Variants in OSBP2 observed in about 807,000 individuals in gnomAD.
OSBP2 encodes the protein oxysterol-binding protein 2.
Under a neutral mutation model 96.0 loss-of-function variants are expected in OSBP2, and 66 were observed. That is an observed-to-expected ratio of 0.69 (90% CI 0.56 to 0.84). OSBP2 has a LOEUF of 0.84. Ranked by LOEUF, OSBP2 falls within the 40% of genes least tolerant of loss-of-function variation. OSBP2 has a pLI of 0.00. For synonymous variants in OSBP2, 525 were observed against 520.9 expected, an observed-to-expected ratio of 1.01 and a Z score of -0.11; for missense variants, 1,038 against 1,222.7, an observed-to-expected ratio of 0.85 and a Z score of 2.25.
intron 2 of OSBP2, chr22:30,770,577 A>G (rs1356107895): frequency 1.3e-5 from 2 of 152,228 alleles, no homozygotes; most frequent in African/African-American, 2.4e-5. Flanking sequence ...ATGGTTTTCT[A>G]TCCAGGGTCA....
intron 1 of OSBP2, among the ~76,000 whole-genome samples, chr22:30,709,419 T>C (rs1180822448): frequency 6.6e-6 from 1 of 152,184 alleles, no homozygotes; most frequent in East Asian, 1.9e-4. Context: ...TAGGTGGTGG[T>C]GTGTTCTTCC....
At chr22:30,829,942 G>A (rs890886808) in intron 2 of OSBP2, among the ~76,000 whole-genome samples, 1 of 152,228 alleles carries the variant, frequency 6.6e-6, no homozygotes, top group East Asian at 1.9e-4. Context: ...TGGGAGCAGG[G>A]CTTGGGAGAC....
intron 1 of OSBP2, among the ~76,000 whole-genome samples, chr22:30,734,398 C>T (rs1308403188): frequency 6.6e-6 from 1 of 152,028 alleles, no homozygotes. Context: ...ACCTCCATAG[C>T]CTCTTGCGGG....
chr22:30,822,531 C>CGACCCACGAGTGT, intron 2 of OSBP2: 2 of 1,378,838 alleles, frequency 1.5e-6, no homozygotes, highest in Non-Finnish European at 1.9e-6. Context: ...TCCGCCGCCT[C>CGACCCACGAGTGT]CGCCGGGCGG....
At chr22:30,860,166 A>T (rs553830873) in intron 2 of OSBP2, among the ~76,000 whole-genome samples, 3 of 152,278 alleles carry the variant, frequency 2.0e-5, no homozygotes, top group South Asian at 4.1e-4. Context: ...AAAAATAAAA[A>T]AAAATACCAA....
intron 2 of OSBP2, among the ~76,000 whole-genome samples, chr22:30,787,330 A>G (rs1388111336): frequency 6.6e-6 from 1 of 152,098 alleles, no homozygotes; most frequent in Non-Finnish European, 1.5e-5. Flanking sequence ...AGGAGGGGGA[A>G]GCCCCTTATA....
chr22:30,703,983 C>A (rs529587269), intron 1 of OSBP2, among the ~76,000 whole-genome samples: 136 of 152,256 alleles, frequency 8.9e-4, no homozygotes, highest in Middle Eastern at 6.8e-3. Flanking sequence ...ATCTTGCCAT[C>A]CTGTTACATG....
At chr22:30,765,862 T>C (rs2090263520) in intron 2 of OSBP2, among the ~76,000 whole-genome samples, 1 of 152,200 alleles carries the variant, frequency 6.6e-6, no homozygotes, top group South Asian at 2.1e-4. Flanking sequence ...CTATACCCTT[T>C]CTTCATCAGA....
chr22:30,740,166 G>A (rs2089919042), intron 1 of OSBP2, among the ~76,000 whole-genome samples: 1 of 151,904 alleles, frequency 6.6e-6, no homozygotes, highest in African/African-American at 2.4e-5. Context: ...AGTTTTTAAG[G>A]ATAACTTGGA....
chr22:30,705,290 GT>G (rs1272241169), intron 1 of OSBP2, among the ~76,000 whole-genome samples: 87 of 151,766 alleles, frequency 5.7e-4, no homozygotes, highest in African/African-American at 2.0e-3. Context: ...TTTTGTTGTT[GT>G]TGTTGTTGTT....
intron 2 of OSBP2, among the ~76,000 whole-genome samples, chr22:30,744,874 C>A (rs941754534): frequency 6.6e-6 from 1 of 152,192 alleles, no homozygotes; most frequent in East Asian, 1.9e-4. Flanking sequence ...ATTATAATTT[C>A]TTTTCAAGTA....
intron 1 of OSBP2, among the ~76,000 whole-genome samples, chr22:30,737,254 G>A (rs969682953): frequency 5.3e-5 from 8 of 150,982 alleles, no homozygotes; most frequent in African/African-American, 1.9e-4. Flanking sequence ...GACTTCAGGT[G>A]ATCCTGCAGC....
chr22:30,715,028 A>G (rs2089424367), intron 1 of OSBP2, among the ~76,000 whole-genome samples: 1 of 150,608 alleles, frequency 6.6e-6, no homozygotes, highest in African/African-American at 2.4e-5. Flanking sequence ...TGATTATACC[A>G]TTTTACATTC....
upstream of OSBP2, chr22:30,694,289 G>T (rs1460709731): frequency 3.2e-6 from 5 of 1,549,648 alleles, no homozygotes; most frequent in African/African-American, 2.7e-5. Flanking sequence ...TGGAGGCGGT[G>T]AGGCGGCCAC....
intron 2 of OSBP2, among the ~76,000 whole-genome samples, chr22:30,746,511 T>C (rs1254342079): frequency 2.6e-5 from 3 of 113,258 alleles, no homozygotes; most frequent in African/African-American, 7.4e-5. Flanking sequence ...TTTTTTGAGA[T>C]GGAGTTTCGC....
intron 2 of OSBP2, among the ~76,000 whole-genome samples, chr22:30,797,337 C>T (rs1204527373): frequency 6.6e-6 from 1 of 152,190 alleles, no homozygotes; most frequent in Non-Finnish European, 1.5e-5. Flanking sequence ...GGCTGGAGTG[C>T]AGTGGCACAA....
intron 2 of OSBP2, among the ~76,000 whole-genome samples, chr22:30,750,335 G>T (rs1315090465): frequency 6.6e-6 from 1 of 152,200 alleles, no homozygotes; most frequent in African/African-American, 2.4e-5. Context: ...TTCCTGCTTA[G>T]TTGCTGGGAG....
intron 2 of OSBP2, among the ~76,000 whole-genome samples, chr22:30,777,467 T>C (rs1018881395): frequency 2.6e-5 from 4 of 152,182 alleles, no homozygotes; most frequent in East Asian, 1.9e-4. Context: ...TCCACCATGA[T>C]TGTGAGATCT....
chr22:30,869,118 C>T (rs1247809644), intron 2 of OSBP2, among the ~76,000 whole-genome samples: 1 of 152,166 alleles, frequency 6.6e-6, no homozygotes, highest in Admixed American at 6.5e-5. Context: ...GTGCGCCACC[C>T]CCCAGAGACG....
Sources: allele counts gnomAD v4.1 joint callset (sites outside exome capture counted in the v4.1 genomes callset), GRCh38; gene constraint gnomAD v4.1.1; transcripts MANE v1.5; gene names NCBI Gene and HGNC (gene_info 2026-07-23, HGNC 2026-07-21).